The following ZNG1E variants were observed in gnomAD, a reference collection of about 807,000 sequenced individuals.
ZNG1E encodes the protein zinc-regulated GTPase metalloprotein activator 1E.
the ZNG1E span, among the ~76,000 whole-genome samples, chr9:65,686,360 G>A: frequency 1.3e-5 from 2 of 152,168 alleles, no homozygotes; most frequent in Non-Finnish European, 2.9e-5. Flanking sequence ...TTGCTGGCCG[G>A]GCTCGGTGGC....
the ZNG1E span, among the ~76,000 whole-genome samples, chr9:65,661,656 T>G: frequency 0.13 from 14,306 of 106,992 alleles, 1 homozygote; most frequent in Non-Finnish European, 0.19. Context: ...AACTAATATT[T>G]GTTCAGAGTA....
At chr9:65,680,890 G>A in the ZNG1E span, among the ~76,000 whole-genome samples, 153 of 151,996 alleles carry the variant, frequency 1.0e-3, no homozygotes, top group African/African-American at 3.5e-3. Context: ...CCGGGTTCAC[G>A]CCATTCTCCT....
At chr9:65,689,191 GC>G in the ZNG1E span, among the ~76,000 whole-genome samples, 22 of 140,656 alleles carry the variant, frequency 1.6e-4, no homozygotes, top group East Asian at 4.1e-3. Context: ...TAAAATGTTG[GC>G]CTTTTTGTTT....
the ZNG1E span, chr9:65,704,806 G>T: frequency 1.2e-5 from 1 of 81,520 alleles, no homozygotes; most frequent in Non-Finnish European, 2.4e-5. Flanking sequence ...AGCTACTCAG[G>T]AGGCTGAGGC....
chr9:65,713,580 G>C, the ZNG1E span, among the ~76,000 whole-genome samples: 4 of 151,776 alleles, frequency 2.6e-5, no homozygotes, highest in African/African-American at 9.7e-5. Flanking sequence ...GCATTTGCTT[G>C]TCTGTAAAGT....
chr9:65,682,101 A>G, the ZNG1E span: 1 of 306,842 alleles, frequency 3.3e-6, no homozygotes, highest in African/African-American at 2.2e-5. Flanking sequence ...AGACCCTAGA[A>G]GAGTTACCCA....
the ZNG1E span, among the ~76,000 whole-genome samples, chr9:65,663,858 C>T: frequency 6.6e-6 from 1 of 151,600 alleles, no homozygotes; most frequent in East Asian, 1.9e-4. Flanking sequence ...GCTCCTCTTC[C>T]CCCATTGTCT....
the ZNG1E span, among the ~76,000 whole-genome samples, chr9:65,671,729 G>GAA: frequency 7.4e-4 from 100 of 135,508 alleles, no homozygotes; most frequent in Admixed American, 9.1e-4. Flanking sequence ...TTCAGGAGAA[G>GAA]AAAAAAAAAA....
the ZNG1E span, among the ~76,000 whole-genome samples, chr9:65,705,523 A>ACC: frequency 8.2e-6 from 1 of 121,876 alleles, no homozygotes; most frequent in Non-Finnish European, 1.7e-5. Context: ...AATAGAGGGA[A>ACC]TGATTGCTCA....
At chr9:65,663,819 G>A in the ZNG1E span, among the ~76,000 whole-genome samples, 9 of 146,420 alleles carry the variant, frequency 6.1e-5, no homozygotes, top group East Asian at 1.9e-4. Context: ...ACCAGTAATA[G>A]GATGCAAAGT....
chr9:65,677,604 G>A, the ZNG1E span, among the ~76,000 whole-genome samples: 1 of 152,280 alleles, frequency 6.6e-6, no homozygotes, highest in South Asian at 2.1e-4. Context: ...CTGGAGTCTT[G>A]CTGCCCTTTA....
the ZNG1E span, among the ~76,000 whole-genome samples, chr9:65,714,567 G>A: frequency 6.6e-6 from 1 of 151,944 alleles, no homozygotes; most frequent in Non-Finnish European, 1.5e-5. Flanking sequence ...TTTTTGGTGT[G>A]GATGTCCTTT....
chr9:65,675,599 C>G, the ZNG1E span, among the ~76,000 whole-genome samples: 6 of 149,148 alleles, frequency 4.0e-5, 1 homozygote, highest in African/African-American at 1.5e-4. Context: ...TCAGGTTACC[C>G]ACTCCAGATT....
chr9:65,723,303 G>A, the ZNG1E span, among the ~76,000 whole-genome samples: 1 of 47,116 alleles, frequency 2.1e-5, no homozygotes, highest in East Asian at 6.1e-4. Flanking sequence ...GAGACCATGC[G>A]GGAAGATACT....
the ZNG1E span, among the ~76,000 whole-genome samples, chr9:65,685,158 A>G: frequency 5.3e-5 from 8 of 152,272 alleles, no homozygotes; most frequent in Non-Finnish European, 8.8e-5. Context: ...ATTTATGGCT[A>G]AAAAATGCTA....
chr9:65,727,148 T>C, the ZNG1E span, among the ~76,000 whole-genome samples: 1 of 136,902 alleles, frequency 7.3e-6, no homozygotes, highest in South Asian at 2.5e-4. Flanking sequence ...CTAAGCTTCA[T>C]ATATGAAGGC....
At chr9:65,693,841 G>A in the ZNG1E span, among the ~76,000 whole-genome samples, 2 of 151,716 alleles carry the variant, frequency 1.3e-5, no homozygotes, top group African/African-American at 2.4e-5. Flanking sequence ...ACAGGCATGA[G>A]CCACCACGCC....
chr9:65,677,192 C>G, the ZNG1E span: 1 of 1,547,518 alleles, frequency 6.5e-7, no homozygotes, highest in South Asian at 1.2e-5. Context: ...GTATTTCAAA[C>G]GTGCCCCTCG....
chr9:65,669,495 A>AT, the ZNG1E span, among the ~76,000 whole-genome samples: 19,538 of 144,166 alleles, frequency 0.14, 352 homozygotes, highest in Non-Finnish European at 0.16. Context: ...ATTGCAAAAC[A>AT]TTTTTTTTCA....
Sources: allele counts gnomAD v4.1 joint callset (sites outside exome capture counted in the v4.1 genomes callset), GRCh38; gene constraint gnomAD v4.1.1; transcripts MANE v1.5; gene names NCBI Gene and HGNC (gene_info 2026-07-23, HGNC 2026-07-21).